Variants in IP6K1 observed in about 807,000 individuals in gnomAD.
The protein encoded by IP6K1 is inositol hexakisphosphate kinase 1, also known as ATP:1D-myo-inositol-hexakisphosphate phosphotransferase.
In IP6K1, 13 loss-of-function variants were observed where a neutral mutation model predicts 38.3. That is an observed-to-expected ratio of 0.34 (90% confidence interval 0.22 to 0.54). The LOEUF is 0.54. Among genes scored for constraint, IP6K1 ranks in the 20% least tolerant of loss-of-function variants. The probability of loss-of-function intolerance (pLI) is 0.92; values close to 1 mark genes in which losing one functional copy is unlikely to be tolerated. For synonymous variants in IP6K1, 212 were observed against 229.9 expected (o/e 0.92, Z 0.70); for missense variants, 397 against 599.8 (o/e 0.66, Z 3.53).
At position 49,747,900 on chromosome 3, in the gene IP6K1, C is replaced by T; in HGVS notation, c.141G>A (p.Val47=). 1 of 1,614,188 alleles carries T rather than the reference C, an allele frequency of 6.2e-7. No homozygotes were observed. Among genetic ancestry groups the T allele is most frequent in the Non-Finnish European group, 8.5e-7 (1 of 1,180,044 alleles). Residue 47 remains valine, a synonymous_variant, in exon 2 of 6, where the codon GTG becomes GTA. Transcript: ENST00000321599. ...GTTCCCGGGAGATGAGGGGCTTGCA[C>T]ACAGTGTGATCGTCGTAACGCATCA... ...SSMMRYDDHT[V]CKPLISREQR...
At chr3:49,730,872 A>G (rs1219051680) in intron 4 of IP6K1, among the ~76,000 whole-genome samples, 1 of 152,004 alleles carries the variant, frequency 6.6e-6, no homozygotes, top group Non-Finnish European at 1.5e-5. Flanking sequence ...ATGCACCACT[A>G]CACCTGGCTA....
chr3:49,726,166 A>G lies in IP6K1; in HGVS notation c.*956T>C, dbSNP rs2080500049. 1 of 152,680 alleles carries G rather than the reference A, an allele frequency of 6.5e-6. No individual in the cohort carries two copies. The highest frequency in any genetic ancestry group is 1.5e-5 in the Non-Finnish European group (1 of 68,072). The allele number at this position is 152,680 out of a possible 1,614,324, so 9.5% of individuals were successfully genotyped here. A position where few individuals can be genotyped will look rare whatever the true frequency, so the allele number is the denominator to read the frequency against. On this transcript the variant is annotated 3_prime_UTR_variant, in exon 6 of 6. Coordinates refer to ENST00000321599, the MANE Select transcript of IP6K1 (RefSeq NM_153273.4). ...AGTTCTCCCTCCAGGCCCAGGGCCA[A>G]GAGCGCCTCACAAAGGGCTGCTGCC...
In IP6K1 at chr3:49,771,561, G is replaced by A. The variant is rs535748262; in HGVS notation, c.-129+14793C>T. On this transcript the variant is annotated intron_variant, in intron 1 of 5. Transcript: ENST00000321599. ...AACACACTACAACACACTTAATGTTGCTAAATGTGGAACAACCACAACTCT... is the reference window on the plus strand; with the variant it reads ...AACACACTACAACACACTTAATGTTACTAAATGTGGAACAACCACAACTCT... 2.0e-5 allele frequency among the ~76,000 whole-genome samples: 3 copies of A among 152,262 alleles called. No individual in the cohort carries two copies. In the South Asian group the frequency reaches 6.2e-4, roughly 32 times the overall value.
At chr3:49,773,943 A>AGACCAGCAT (rs2080982468) in intron 1 of IP6K1, among the ~76,000 whole-genome samples, 1 of 151,722 alleles carries the variant, frequency 6.6e-6, no homozygotes, top group Non-Finnish European at 1.5e-5. Flanking sequence ...CAGGAATTCG[A>AGACCAGCAT]GACCAGCATG....
chr3:49,741,389 T>C (rs1292612983), intron 2 of IP6K1, among the ~76,000 whole-genome samples: 1 of 152,212 alleles, frequency 6.6e-6, no homozygotes, highest in Non-Finnish European at 1.5e-5. Flanking sequence ...TGGTATCTTA[T>C]TTTGGTTTTG....
At chr3:49,771,363 G>A (rs1415518482) in intron 1 of IP6K1, among the ~76,000 whole-genome samples, 1 of 151,598 alleles carries the variant, frequency 6.6e-6, no homozygotes, top group Non-Finnish European at 1.5e-5. Flanking sequence ...AAATAAAAAA[G>A]CCAATTTTAA....
At position 49,726,884 on chromosome 3, in the gene IP6K1, C is replaced by A. The variant is rs896502997; in HGVS notation, c.*238G>T. ...GGGCACCTCTTCCTTCCTAAGGCAG[C>A]CTGGACACACCAGTCAGAGCCACAA... On this transcript the variant is annotated 3_prime_UTR_variant, in exon 6 of 6. Transcript: ENST00000321599. 11 of 516,970 alleles carry A rather than the reference C, an allele frequency of 2.1e-5. No homozygotes were observed. Among genetic ancestry groups the A allele is most frequent in the Non-Finnish European group, 3.7e-5 (11 of 296,904 alleles). The allele number at this position is 516,970 out of a possible 1,614,324, so 32.0% of individuals were successfully genotyped here. A position where few individuals can be genotyped will look rare whatever the true frequency, so the allele number is the denominator to read the frequency against.
At chr3:49,751,875 A>AT (rs750292451) in intron 1 of IP6K1, among the ~76,000 whole-genome samples, 63 of 152,376 alleles carry the variant, frequency 4.1e-4, no homozygotes, top group Non-Finnish European at 7.3e-4. Flanking sequence ...TACTGCAAAA[A>AT]TATTAGTTAC....
At chr3:49,743,840 G>T (rs1055316420) in intron 2 of IP6K1, among the ~76,000 whole-genome samples, 1 of 151,526 alleles carries the variant, frequency 6.6e-6, no homozygotes, top group African/African-American at 2.4e-5. Context: ...GGCTGGTCTC[G>T]AACTCCTGAC....
chr3:49,770,855 T>C (rs1172802029), intron 1 of IP6K1, among the ~76,000 whole-genome samples: 1 of 152,138 alleles, frequency 6.6e-6, no homozygotes, highest in African/African-American at 2.4e-5. Context: ...CACACCCGTA[T>C]TCCTAGCATC....
chr3:49,731,556 C>G (rs1314225322), intron 4 of IP6K1, among the ~76,000 whole-genome samples: 1 of 152,150 alleles, frequency 6.6e-6, no homozygotes, highest in African/African-American at 2.4e-5. Flanking sequence ...AACACTTAAT[C>G]CCCCTGTGCT....
chr3:49,734,382 T>C (rs1004908829), intron 3 of IP6K1, among the ~76,000 whole-genome samples: 5 of 145,136 alleles, frequency 3.4e-5, no homozygotes, highest in East Asian at 4.2e-4. Flanking sequence ...AGGTGGAACA[T>C]TACCGTAATT....
intron 2 of IP6K1, among the ~76,000 whole-genome samples, chr3:49,739,773 C>T (rs1192831308): frequency 1.3e-5 from 2 of 152,066 alleles, no homozygotes; most frequent in African/African-American, 4.8e-5. Context: ...CCTGCCTCAG[C>T]CTCTCAAGTA....
intron 5 of IP6K1, 23 bp downstream of exon 5, chr3:49,728,080 G>A (rs781430690): frequency 1.2e-6 from 2 of 1,602,628 alleles, no homozygotes; most frequent in African/African-American, 1.3e-5. Flanking sequence ...GCAGCACCTA[G>A]GCTCTGAGCA....
At chr3:49,755,061 TA>T (rs2080810470) in intron 1 of IP6K1, among the ~76,000 whole-genome samples, 1 of 150,678 alleles carries the variant, frequency 6.6e-6, no homozygotes, top group South Asian at 2.1e-4. Flanking sequence ...GCCTTCCAAG[TA>T]GTTGAAAACA....
intron 2 of IP6K1, among the ~76,000 whole-genome samples, chr3:49,745,244 G>C (rs143823481): frequency 9.1e-4 from 138 of 152,308 alleles, no homozygotes; most frequent in Non-Finnish European, 1.4e-3. Context: ...ATATAATATA[G>C]GATGATCAGG....
intron 2 of IP6K1, among the ~76,000 whole-genome samples, chr3:49,747,422 T>G (rs377716255): frequency 9.4e-4 from 143 of 152,290 alleles, no homozygotes; most frequent in African/African-American, 3.2e-3. Context: ...CCAGCACATA[T>G]AGACACAGGA....
chr3:49,749,178 C>A (rs1214980932), intron 1 of IP6K1, among the ~76,000 whole-genome samples: 1 of 152,214 alleles, frequency 6.6e-6, no homozygotes, highest in Non-Finnish European at 1.5e-5. Context: ...CAGTTCCTAA[C>A]AGGTCATGGA....
At chr3:49,777,316 C>A (rs2081025044) in intron 1 of IP6K1, among the ~76,000 whole-genome samples, 1 of 152,102 alleles carries the variant, frequency 6.6e-6, no homozygotes, top group East Asian at 1.9e-4. Context: ...AATCCCAACA[C>A]CTTGGGAGGC....
Sources: gnomAD v4.1 joint callset for allele counts (sites outside exome capture counted in the v4.1 genomes callset) on GRCh38, gnomAD v4.1.1 for gene constraint, MANE v1.5 for transcripts, NCBI Gene and HGNC (gene_info 2026-07-23, HGNC 2026-07-21) for gene names.